The following LRRC17 variants were observed in gnomAD, a reference collection of about 807,000 sequenced individuals.
The protein encoded by LRRC17 is leucine rich repeat containing 17.
A neutral mutation model predicts 41.5 loss-of-function variants in LRRC17; 33 were observed. That is an observed-to-expected ratio of 0.80 (90% CI 0.60 to 1.06). The LOEUF is 1.06. Ranked by LOEUF, LRRC17 falls within the 50% of genes least tolerant of loss-of-function variation. The probability of loss-of-function intolerance (pLI) is 0.00; values close to 1 mark genes in which losing one functional copy is unlikely to be tolerated. For missense variants in LRRC17, 491 were observed against 519.3 expected, an observed-to-expected ratio of 0.95 and a Z score of 0.53; for synonymous variants, 192 against 197.0, an observed-to-expected ratio of 0.97 and a Z score of 0.21.
chr7:102,939,531 C>A lies in LRRC17; in HGVS notation c.874C>A (p.His292Asn). 1 of 1,613,996 alleles carries A rather than the reference C, an allele frequency of 6.2e-7. No individual in the cohort carries two copies. Among genetic ancestry groups the A allele is most frequent in the South Asian group, 1.1e-5 (1 of 91,042 alleles). Residue 292 changes from histidine (H) to asparagine (N), a missense_variant, in exon 3 of 4, where the codon CAT becomes AAT. Transcript: ENST00000339431. ...QLRPKEFEDVHELKKLNLSSN... is the reference protein window; with the variant it reads ...QLRPKEFEDVNELKKLNLSSN... ...TCGACCCAAGGAATTTGAAGATGTTCATGAGCTGAAGAAATTAAACCTCAG... is the reference window on the plus strand; with the variant it reads ...TCGACCCAAGGAATTTGAAGATGTTAATGAGCTGAAGAAATTAAACCTCAG...
intron 1 of LRRC17, among the ~76,000 whole-genome samples, chr7:102,914,309 G>A (rs538935149): frequency 6.6e-6 from 1 of 152,322 alleles, no homozygotes; most frequent in South Asian, 2.1e-4. Context: ...CTGACCTCAG[G>A]TGATCCACCC....
chr7:102,928,679 A>G (rs922971343), intron 1 of LRRC17, among the ~76,000 whole-genome samples: 1 of 152,230 alleles, frequency 6.6e-6, no homozygotes, highest in Non-Finnish European at 1.5e-5. Context: ...GAACTGAAAA[A>G]TGATTAGTTT....
intron 3 of LRRC17, among the ~76,000 whole-genome samples, chr7:102,942,012 C>G (rs992725448): frequency 3.3e-5 from 5 of 152,116 alleles, no homozygotes; most frequent in Non-Finnish European, 5.9e-5. Flanking sequence ...CTTTTCTGTC[C>G]TTAGGATCCC....
At chr7:102,932,801 G>C (rs1819478487) in intron 1 of LRRC17, among the ~76,000 whole-genome samples, 2 of 152,012 alleles carry the variant, frequency 1.3e-5, no homozygotes, top group African/African-American at 4.8e-5. Context: ...TAGAGACGGG[G>C]TTTCCCCATG....
chr7:102,919,980 G>A (rs887831249), intron 1 of LRRC17, among the ~76,000 whole-genome samples: 6 of 152,120 alleles, frequency 3.9e-5, no homozygotes, highest in African/African-American at 1.2e-4. Flanking sequence ...ACTACAATTC[G>A]ATATTAAAAA....
intron 3 of LRRC17, among the ~76,000 whole-genome samples, chr7:102,940,707 TC>T (rs763977762): frequency 2.6e-5 from 4 of 152,180 alleles, no homozygotes; most frequent in Non-Finnish European, 5.9e-5. Context: ...ATCCTTCAAA[TC>T]TCTTCTCCAT....
intron 1 of LRRC17, among the ~76,000 whole-genome samples, chr7:102,919,514 A>C (rs902735824): frequency 1.3e-5 from 2 of 152,222 alleles, no homozygotes. Flanking sequence ...AATTGAAGGA[A>C]CACAATTAAG....
chr7:102,934,066 C>T lies in LRRC17; in HGVS notation c.153C>T (p.Gly51=), dbSNP rs757835210. 6.2e-7 allele frequency: 1 copy of T among 1,614,044 alleles called. No individual in the cohort carries two copies. The highest frequency in any genetic ancestry group is 1.3e-5 in the African/African-American group (1 of 74,920). The change falls in exon 2 of 4, where the codon GGC becomes GGT. Residue 51 remains glycine (G), a synonymous_variant. Coordinates refer to ENST00000339431, the MANE Select transcript of LRRC17 (RefSeq NM_001031692.3). ...GSNPVKRYAP[G]LPCDVYTYLH... is the part of the protein sequence containing the mutation. Reference sequence around the variant, plus strand: ...ACCCGGTCAAACGCTACGCACCAGGCCTCCCGTGTGACGTGTACACATATC... The same window carrying T: ...ACCCGGTCAAACGCTACGCACCAGGTCTCCCGTGTGACGTGTACACATATC...
chr7:102,927,304 C>T (rs1818323199), intron 1 of LRRC17, among the ~76,000 whole-genome samples: 1 of 152,134 alleles, frequency 6.6e-6, no homozygotes, highest in Non-Finnish European at 1.5e-5. Flanking sequence ...TTTGACGCTA[C>T]ATCAGTCCCA....
intron 1 of LRRC17, among the ~76,000 whole-genome samples, chr7:102,924,048 C>T (rs1206201413): frequency 5.9e-5 from 9 of 151,726 alleles, no homozygotes; most frequent in African/African-American, 2.2e-4. Flanking sequence ...GAGGCCAGCC[C>T]GACCAACATA....
chr7:102,939,446 A>G lies in LRRC17; in HGVS notation c.789A>G (p.Pro263=). The G allele has an allele frequency of 6.2e-7, 1 of 1,605,684 alleles. No homozygotes were observed. Among genetic ancestry groups the G allele is most frequent in the Middle Eastern group, 1.7e-4 (1 of 5,996 alleles). Residue 263 remains proline (P), a synonymous_variant, in exon 3 of 4, where the codon CCA becomes CCG. Transcript: ENST00000339431. ...ATTTTCCAGAGTTGAAAAAAGTGCC[A>G]AACAACATCCCTCCAGATATTGTTA... ...DCKRKELKKV[P]NNIPPDIVKL...
intron 1 of LRRC17, among the ~76,000 whole-genome samples, chr7:102,925,267 CT>C (rs1817895254): frequency 6.6e-6 from 1 of 152,022 alleles, no homozygotes; most frequent in African/African-American, 2.4e-5. Context: ...TGGTGGCATG[CT>C]CCTGTAGTCC....
intron 1 of LRRC17, among the ~76,000 whole-genome samples, chr7:102,931,266 A>G (rs6958533): frequency 0.97 from 147,994 of 152,306 alleles, 72,059 homozygotes; most frequent in East Asian, 1. Context: ...AGAAACTGAA[A>G]CAAGTGAGGC....
chr7:102,926,276 C>T (rs375551789), intron 1 of LRRC17: 43 of 1,612,348 alleles, frequency 2.7e-5, no homozygotes, highest in Middle Eastern at 1.6e-4. Context: ...AACATTACCT[C>T]GGCAGGAGTC....
intron 1 of LRRC17, among the ~76,000 whole-genome samples, chr7:102,915,084 A>G (rs954911196): frequency 5.9e-5 from 9 of 151,856 alleles, no homozygotes; most frequent in Non-Finnish European, 1.3e-4. Context: ...CTAATCTCTC[A>G]GAGATTGTTT....
intron 3 of LRRC17, among the ~76,000 whole-genome samples, chr7:102,941,846 A>G (rs1305458492): frequency 1.3e-5 from 2 of 152,252 alleles, no homozygotes; most frequent in Non-Finnish European, 2.9e-5. Context: ...CAACAAAACT[A>G]GTATACAAAG....
intron 1 of LRRC17, 117 bp downstream of exon 1, chr7:102,913,262 C>A: frequency 1.2e-6 from 2 of 1,608,786 alleles, no homozygotes; most frequent in South Asian, 1.1e-5. Context: ...TTCCGTTGTT[C>A]TCTCAAATCT....
At chr7:102,921,670 AT>A (rs777830828) in intron 1 of LRRC17, among the ~76,000 whole-genome samples, 1 of 152,258 alleles carries the variant, frequency 6.6e-6, no homozygotes, top group South Asian at 2.1e-4. Context: ...ACAGAGCAAG[AT>A]TCCATCTCAA....
At chr7:102,927,216 T>G (rs1584979624) in intron 1 of LRRC17, among the ~76,000 whole-genome samples, 1 of 152,172 alleles carries the variant, frequency 6.6e-6, no homozygotes, top group African/African-American at 2.4e-5. Context: ...TAGCAGCAGG[T>G]TTTTATTTAA....
Sources: allele counts gnomAD v4.1 joint callset (sites outside exome capture counted in the v4.1 genomes callset), GRCh38; gene constraint gnomAD v4.1.1; transcripts MANE v1.5; gene names NCBI Gene and HGNC (gene_info 2026-07-23, HGNC 2026-07-21).